MAGEB17: variants seen among roughly 807,000 people sequenced by gnomAD.
MAGEB17 encodes the protein MAGE family member B17, also known as melanoma-associated antigen B17.
For synonymous variants in MAGEB17, 110 were observed against 112.4 expected, an observed-to-expected ratio of 0.98 and a Z score of 0.13; for missense variants, 251 against 281.4, an observed-to-expected ratio of 0.89 and a Z score of 0.77.
In MAGEB17 at chrX:16,170,565, G is replaced by T; in HGVS notation, c.183G>T (p.Glu61Asp). The T allele has an allele frequency of 2.6e-6, 3 of 1,167,024 alleles. No homozygotes were observed. The South Asian group carries it at 5.7e-5, about 22-fold the overall frequency. The change falls in exon 2 of 2, where the codon GAG becomes GAT. Residue 61 changes from glutamate to aspartate, a missense_variant. Physicochemically the swap from Glu to Asp is conservative, Grantham distance 45. Coordinates refer to ENST00000400004, the MANE Select transcript of MAGEB17 (RefSeq NM_001277307.2). ...QSFPNAGIPQ[E>D]SQRASYPSSP... ...TCCCCAATGCAGGCATTCCTCAGGA[G>T]TCCCAGAGAGCCAGCTACCCCAGCT...
intron 1 of MAGEB17, among the ~76,000 whole-genome samples, chrX:16,168,062 G>T (rs1036803624): frequency 1.8e-5 from 2 of 112,331 alleles, no homozygotes; most frequent in Non-Finnish European, 3.8e-5. Flanking sequence ...CCCACGAGGC[G>T]GGCATGGTAG....
rs759076744 is a variant in MAGEB17 at position 16,171,263 on chromosome X, A to G, written c.881A>G (p.Asn294Ser). Reference sequence around the variant, plus strand: ...GTCCTGGAGTTTGTGGCCAAGCTCAATGATACCGTTGCCAGTACCTACAAG... The same window carrying G: ...GTCCTGGAGTTTGTGGCCAAGCTCAGTGATACCGTTGCCAGTACCTACAAG... ...MKVLEFVAKL[N>S]DTVASTYKSR... Residue 294 changes from asparagine to serine, a missense_variant, in exon 2 of 2, where the codon AAT becomes AGT. Coordinates refer to ENST00000400004, the MANE Select transcript of MAGEB17 (RefSeq NM_001277307.2). 8.5e-5 allele frequency: 103 copies of G among 1,207,709 alleles called. No homozygotes were observed. In the Middle Eastern group the frequency reaches 1.6e-3, roughly 19 times the overall value.
intron 1 of MAGEB17, among the ~76,000 whole-genome samples, chrX:16,168,514 T>C (rs1202310197): frequency 8.9e-6 from 1 of 112,023 alleles, no homozygotes; most frequent in Non-Finnish European, 1.9e-5. Flanking sequence ...GGCCTGGGCC[T>C]GGCTGACTCA....
rs1358579082 is a variant in MAGEB17, at chrX:16,170,678, C to G, written c.296C>G (p.Ser99Cys). ...AGTCCCAACTCCTTCCATGGCCCGT[C>G]CTCCTCTGAGAGCACAGGAAGAGAT... ...GESPNSFHGP[S>C]SSESTGRDLL... Residue 99 changes from serine to cysteine, a missense_variant, in exon 2 of 2, where the codon TCC (serine) becomes TGC (cysteine). Physicochemically the swap from Ser to Cys is moderately radical, Grantham distance 112. Transcript: ENST00000400004. The G allele has an allele frequency of 1.0e-5, 12 of 1,166,744 alleles. No individual in the cohort carries two copies. Among genetic ancestry groups the G allele is most frequent in the Non-Finnish European group, 1.3e-5 (11 of 872,574 alleles).
In MAGEB17 at chrX:16,171,270, C is replaced by T. The variant is rs750709509; in HGVS notation, c.888C>T (p.Thr296=). Residue 296 remains threonine, a synonymous_variant, in exon 2 of 2, where the codon ACC becomes ACT. Coordinates refer to ENST00000400004, the MANE Select transcript of MAGEB17 (RefSeq NM_001277307.2). The part of the protein sequence containing the change: ...VLEFVAKLND[T]VASTYKSRYE... Reference sequence around the variant, plus strand: ...AGTTTGTGGCCAAGCTCAATGATACCGTTGCCAGTACCTACAAGTCCCGGT... The same window carrying T: ...AGTTTGTGGCCAAGCTCAATGATACTGTTGCCAGTACCTACAAGTCCCGGT... 5.0e-6 allele frequency: 6 copies of T among 1,208,357 alleles called. No homozygotes were observed. The Admixed American group carries it at 6.6e-5, about 13-fold the overall frequency.
At chrX:16,168,067 T>G (rs1369186886) in intron 1 of MAGEB17, among the ~76,000 whole-genome samples, 3 of 112,112 alleles carry the variant, frequency 2.7e-5, no homozygotes, top group African/African-American at 9.7e-5. Flanking sequence ...GAGGCGGGCA[T>G]GGTAGCTCAC....
In MAGEB17 at chrX:16,170,893, C is replaced by T. The variant is rs1018042707; in HGVS notation, c.511C>T (p.Pro171Ser). The change falls in exon 2 of 2, where the codon CCC becomes TCC. Residue 171 changes from proline to serine, a missense_variant. Transcript: ENST00000400004. The part of the protein sequence containing the change: ...VFGLYLKEMD[P>S]SRQSYVLVGK... ...TGGCCTCTACCTGAAGGAAATGGACCCCAGCCGTCAGTCCTATGTGCTTGT... is the reference window on the plus strand; with the variant it reads ...TGGCCTCTACCTGAAGGAAATGGACTCCAGCCGTCAGTCCTATGTGCTTGT... The T allele has an allele frequency of 2.6e-6, 3 of 1,165,887 alleles. No individual in the cohort carries two copies. The highest frequency in any genetic ancestry group is 3.3e-5 in the East Asian group (1 of 30,718).
intron 1 of MAGEB17, among the ~76,000 whole-genome samples, chrX:16,169,238 C>T (rs750291238): frequency 8.9e-6 from 1 of 112,023 alleles, no homozygotes; most frequent in East Asian, 2.8e-4. Context: ...CTCTGGGAGA[C>T]CCAGGCACGT....
At position 16,171,203 on chromosome X, in the gene MAGEB17, G is replaced by A; in HGVS notation, c.821G>A (p.Gly274Asp). The change falls in exon 2 of 2, where the codon GGT becomes GAT. Residue 274 changes from glycine (G) to aspartate (D), a missense_variant. Gly to Asp is a moderately conservative substitution (Grantham distance 94). Coordinates refer to ENST00000400004, the MANE Select transcript of MAGEB17 (RefSeq NM_001277307.2). The part of the protein sequence containing the change: ...SDPPRYEFLW[G>D]PRARAETSKM... ...CCTCCACGCTACGAGTTCCTGTGGGGTCCCAGGGCCCGTGCTGAAACCAGC... is the reference window on the plus strand; with the variant it reads ...CCTCCACGCTACGAGTTCCTGTGGGATCCCAGGGCCCGTGCTGAAACCAGC... 1 of 1,210,449 alleles carries A rather than the reference G, an allele frequency of 8.3e-7. No homozygotes were observed. The highest frequency in any genetic ancestry group is 1.1e-6 in the Non-Finnish European group (1 of 894,937).
In MAGEB17 at chrX:16,171,167, C is replaced by T. The variant is rs1353711756; in HGVS notation, c.785C>T (p.Pro262Leu). The T allele has an allele frequency of 8.3e-7, 1 of 1,209,030 alleles. No homozygotes were observed. The highest frequency in any genetic ancestry group is 3.0e-5 in the East Asian group (1 of 33,766). Residue 262 changes from proline (P) to leucine (L), a missense_variant, in exon 2 of 2, where the codon CCC (proline) becomes CTC (leucine). By Grantham distance (98) the Pro-to-Leu change is moderately conservative. Coordinates refer to ENST00000400004, the MANE Select transcript of MAGEB17 (RefSeq NM_001277307.2). ...GGGTACCTGGAGTACCAGCAGGTGCCCAGCAGCGATCCTCCACGCTACGAG... is the reference window on the plus strand; with the variant it reads ...GGGTACCTGGAGTACCAGCAGGTGCTCAGCAGCGATCCTCCACGCTACGAG... The part of the protein sequence containing the change: ...REGYLEYQQV[P>L]SSDPPRYEFL...
Position 16,170,567 on chromosome X carries a change from C to T in MAGEB17, c.185C>T (p.Ser62Phe). 8.6e-7 allele frequency: 1 copy of T among 1,167,149 alleles called. No homozygotes were observed. ...SFPNAGIPQE[S>F]QRASYPSSPA... ...CCCAATGCAGGCATTCCTCAGGAGT[C>T]CCAGAGAGCCAGCTACCCCAGCTCT... is the stretch of plus-strand genomic sequence containing the variant. The change falls in exon 2 of 2, where the codon TCC becomes TTC. Residue 62 changes from serine (S) to phenylalanine (F), a missense_variant. By Grantham distance (155) the Ser-to-Phe change is radical (BLOSUM62 -2). Transcript: ENST00000400004.
chrX:16,170,111 G>A (rs942584590), intron 1 of MAGEB17, among the ~76,000 whole-genome samples: 1 of 112,328 alleles, frequency 8.9e-6, no homozygotes, highest in African/African-American at 3.2e-5. Context: ...TCCCCTCAGA[G>A]GAAACAGAGA....
At chrX:16,169,291 G>A (rs1923007730) in intron 1 of MAGEB17, among the ~76,000 whole-genome samples, 1 of 111,918 alleles carries the variant, frequency 8.9e-6, no homozygotes, top group Non-Finnish European at 1.9e-5. Flanking sequence ...TCTCAGGGAG[G>A]TGAAGAGCCT....
chrX:16,169,471 T>A (rs1923011098), intron 1 of MAGEB17, among the ~76,000 whole-genome samples: 1 of 112,194 alleles, frequency 8.9e-6, no homozygotes, highest in African/African-American at 3.2e-5. Flanking sequence ...TGTGGCCAGC[T>A]GAGGTGACCG....
chrX:16,167,908 G>A (rs1922975535), intron 1 of MAGEB17, 125 bp downstream of exon 1: 1 of 111,971 alleles, frequency 8.9e-6, no homozygotes, highest in Admixed American at 9.4e-5. Context: ...GTCAGGCTGT[G>A]GCACTGACTT....
intron 1 of MAGEB17, among the ~76,000 whole-genome samples, chrX:16,169,239 C>T (rs1420357307): frequency 8.9e-6 from 1 of 111,810 alleles, no homozygotes; most frequent in African/African-American, 3.3e-5. Context: ...TCTGGGAGAC[C>T]CAGGCACGTT....
chrX:16,170,346 T>C lies in MAGEB17; in HGVS notation c.-37T>C, dbSNP rs1173677756. 1 of 1,133,069 alleles carries C rather than the reference T, an allele frequency of 8.8e-7. No individual in the cohort carries two copies. 93.4% of individuals were successfully genotyped at this position (1,133,069 alleles called of 1,213,427 possible). A position where few individuals can be genotyped will look rare whatever the true frequency, so the allele number is the denominator to read the frequency against. ...CCTCCTGCTCCAGGTGCCCACCTCC[T>C]GCACCCTCTTGCCTGCTGCCCCTAA... is the stretch of plus-strand genomic sequence containing the variant. On this transcript the variant is annotated 5_prime_UTR_variant, in exon 2 of 2. Transcript: ENST00000400004.
chrX:16,170,272 G>A lies in MAGEB17; in HGVS notation c.-49-62G>A. ...GGGTCCTCAAGGACACCTGCATGGA[G>A]GCCTCCTTAAGGTGATATCTCCCCA... is the stretch of plus-strand genomic sequence containing the variant. On this transcript the variant is annotated intron_variant, in intron 1 of 1. Transcript: ENST00000400004. The A allele has an allele frequency of 7.4e-6, 8 of 1,088,020 alleles. No individual in the cohort carries two copies. The South Asian group carries it at 1.7e-4, about 23-fold the overall frequency. The allele number at this position is 1,088,020 out of a possible 1,213,427, so 89.7% of individuals were successfully genotyped here.
rs746948255 is a variant in MAGEB17, at chrX:16,170,714, C to T, written c.332C>T (p.Thr111Met). 2.1e-5 allele frequency: 25 copies of T among 1,165,617 alleles called. No individual in the cohort carries two copies. Among genetic ancestry groups the T allele is most frequent in the South Asian group, 7.6e-5 (4 of 52,564 alleles). Residue 111 changes from threonine to methionine, a missense_variant, in exon 2 of 2, where the codon ACG becomes ATG. Coordinates refer to ENST00000400004, the MANE Select transcript of MAGEB17 (RefSeq NM_001277307.2). The part of the protein sequence containing the change: ...SESTGRDLLN[T>M]KTGELVQFLL... Reference sequence around the variant, plus strand: ...AGCACAGGAAGAGATCTTCTGAACACGAAGACGGGCGAATTGGTGCAGTTC... The same window carrying T: ...AGCACAGGAAGAGATCTTCTGAACATGAAGACGGGCGAATTGGTGCAGTTC...
Sources: gnomAD v4.1 joint callset for allele counts (sites outside exome capture counted in the v4.1 genomes callset) on GRCh38, gnomAD v4.1.1 for gene constraint, MANE v1.5 for transcripts, NCBI Gene and HGNC (gene_info 2026-07-23, HGNC 2026-07-21) for gene names.